Variants in SLCO5A1 observed in about 807,000 individuals in gnomAD.
SLCO5A1 encodes the protein solute carrier organic anion transporter family member 5A1, also known as organic anion transporter polypeptide-related protein 4.
Under a neutral mutation model 65.1 loss-of-function variants are expected in SLCO5A1, and 39 were observed. The observed-to-expected ratio is 0.60, with a 90% CI of 0.46 to 0.78. The LOEUF (loss-of-function observed/expected upper bound fraction) is 0.78. Ranked by LOEUF, SLCO5A1 falls within the 30% of genes least tolerant of loss-of-function variation. SLCO5A1 has a pLI of 0.00. For missense variants in SLCO5A1, 1,029 were observed against 1,069.4 expected, an observed-to-expected ratio of 0.96 and a Z score of 0.53; for synonymous variants, 438 against 415.7, an observed-to-expected ratio of 1.05 and a Z score of -0.65.
intron 2 of SLCO5A1, among the ~76,000 whole-genome samples, chr8:69,788,835 T>A (rs945972935): frequency 2.4e-4 from 37 of 152,232 alleles, no homozygotes; most frequent in African/African-American, 8.7e-4. Context: ...AGTCTTAGTA[T>A]AATCTAAAAT....
rs146599534 is a variant in SLCO5A1, at chr8:69,803,188, G to A, written c.907+28579C>T. Reference sequence around the variant, plus strand: ...CCCAGCACTTTGGGAGGCCAAGGCGGGTGGATCATCTGAGGTTGAGAGTTC... The same window carrying A: ...CCCAGCACTTTGGGAGGCCAAGGCGAGTGGATCATCTGAGGTTGAGAGTTC... On this transcript the variant is annotated intron_variant, in intron 2 of 9. Coordinates refer to ENST00000260126, the MANE Select transcript of SLCO5A1 (RefSeq NM_030958.3). 6.1e-3 allele frequency among the ~76,000 whole-genome samples: 923 copies of A among 152,248 alleles called. 8 individuals carry two copies. The highest frequency in any genetic ancestry group is 0.021 in the African/African-American group (885 of 41,548).
intron 2 of SLCO5A1, among the ~76,000 whole-genome samples, chr8:69,826,641 G>C (rs555068919): frequency 1.6e-3 from 247 of 152,304 alleles, no homozygotes; most frequent in Non-Finnish European, 2.7e-3. Flanking sequence ...ACAGGTGCTG[G>C]AGAGGATGTG....
intron 6 of SLCO5A1, among the ~76,000 whole-genome samples, chr8:69,700,657 AC>A (rs1426514384): frequency 6.6e-6 from 1 of 152,094 alleles, no homozygotes; most frequent in Admixed American, 6.5e-5. Flanking sequence ...AAGGAAAAAT[AC>A]ATCTCATACA....
intron 2 of SLCO5A1, among the ~76,000 whole-genome samples, chr8:69,784,811 AAAAGAAAGAAAGAAAGAAAGAAAG>A (rs56110450): frequency 5.6e-4 from 40 of 70,950 alleles, no homozygotes; most frequent in Admixed American, 4.3e-3. Context: ...GAAAGAAAGA[AAAAGAAAGAAAGAAAGAAAGAAAG>A]AAAGAAAGAA....
chr8:69,783,613 G>T (rs1818896292), intron 2 of SLCO5A1, among the ~76,000 whole-genome samples: 1 of 151,798 alleles, frequency 6.6e-6, no homozygotes, highest in Admixed American at 6.6e-5. Flanking sequence ...TTGTACCAAA[G>T]TCTTTGAAAA....
At chr8:69,795,887 G>A (rs1333972445) in intron 2 of SLCO5A1, among the ~76,000 whole-genome samples, 1 of 152,250 alleles carries the variant, frequency 6.6e-6, no homozygotes, top group Admixed American at 6.5e-5. Flanking sequence ...CAGCTCTTGT[G>A]CTCTGTGCAC....
chr8:69,731,611 A>G (rs1297515687), intron 5 of SLCO5A1, among the ~76,000 whole-genome samples: 1 of 152,232 alleles, frequency 6.6e-6, no homozygotes, highest in Non-Finnish European at 1.5e-5. Flanking sequence ...GAGCTCTTAC[A>G]AAAGTTCTCA....
At chr8:69,748,092 C>CTT (rs2130852296) in intron 4 of SLCO5A1, among the ~76,000 whole-genome samples, 1 of 152,248 alleles carries the variant, frequency 6.6e-6, no homozygotes, top group Admixed American at 6.5e-5. Context: ...CCCTCCAAAA[C>CTT]ACACCAGCAA....
intron 4 of SLCO5A1, among the ~76,000 whole-genome samples, chr8:69,752,419 A>AT (rs2130856293): frequency 9.1e-6 from 1 of 109,708 alleles, no homozygotes; most frequent in South Asian, 3.7e-4. Flanking sequence ...AACCTCAATA[A>AT]TAAATCTCAG....
intron 2 of SLCO5A1, among the ~76,000 whole-genome samples, chr8:69,777,260 T>C (rs1818599137): frequency 6.6e-6 from 1 of 152,104 alleles, no homozygotes; most frequent in Non-Finnish European, 1.5e-5. Context: ...TGTGGAGAAA[T>C]CTCATAATAA....
intron 6 of SLCO5A1, among the ~76,000 whole-genome samples, 158 bp from the exon 7 acceptor site, chr8:69,682,501 T>C (rs1813827607): frequency 6.6e-6 from 1 of 150,486 alleles, no homozygotes; most frequent in African/African-American, 2.5e-5. Flanking sequence ...AATTATTTTG[T>C]GACTTTAAAA....
rs191868380 is a variant in SLCO5A1 at position 69,678,910 on chromosome 8, G to T, written c.2024+468C>A. Among the ~76,000 whole-genome samples, 74 of 152,148 alleles carry T rather than the reference G, an allele frequency of 4.9e-4. 1 individual carries two copies. In the East Asian group the frequency reaches 0.011, roughly 22 times the overall value. Reference sequence around the variant, plus strand: ...ATGAACTCAGCATTTCAAATTGCAGGCCCAGCATAAATCACCACTGATCCT... The same window carrying T: ...ATGAACTCAGCATTTCAAATTGCAGTCCCAGCATAAATCACCACTGATCCT... On this transcript the variant is annotated intron_variant, in intron 8 of 9. Transcript: ENST00000260126.
intron 2 of SLCO5A1, among the ~76,000 whole-genome samples, chr8:69,802,173 G>A (rs879623807): frequency 2.6e-5 from 4 of 152,118 alleles, no homozygotes; most frequent in Admixed American, 2.6e-4. Context: ...GGATCAGCAC[G>A]ATAAAAGGGC....
rs148947823 is a variant in SLCO5A1 at position 69,765,330 on chromosome 8, G to T, written c.908-3455C>A. On this transcript the variant is annotated intron_variant, in intron 2 of 9. Coordinates refer to ENST00000260126, the MANE Select transcript of SLCO5A1 (RefSeq NM_030958.3). ...ATATGTATACATGTACATATATGAC[G>T]GTATATTACAGTTATATAAGAATGT... Among the ~76,000 whole-genome samples, 1,217 of 150,474 alleles carry T rather than the reference G, an allele frequency of 8.1e-3. 12 individuals carry two copies. The highest frequency in any genetic ancestry group is 0.028 in the African/African-American group (1,162 of 40,796).
chr8:69,699,972 G>A (rs557312652), intron 6 of SLCO5A1, among the ~76,000 whole-genome samples: 41 of 152,260 alleles, frequency 2.7e-4, no homozygotes, highest in Non-Finnish European at 4.6e-4. Flanking sequence ...TTATCCCAGT[G>A]TAGTGGTGGA....
At chr8:69,755,060 C>T (rs192177187) in intron 4 of SLCO5A1, among the ~76,000 whole-genome samples, 49 of 152,206 alleles carry the variant, frequency 3.2e-4, no homozygotes, top group Middle Eastern at 3.4e-3. Flanking sequence ...CATATATAGA[C>T]ATCTGTTTCT....
intron 2 of SLCO5A1, among the ~76,000 whole-genome samples, chr8:69,796,844 G>A (rs959628400): frequency 4.6e-5 from 7 of 151,920 alleles, no homozygotes; most frequent in South Asian, 2.1e-4. Context: ...CAAGTTCAAA[G>A]TTCCACAGAT....
chr8:69,741,388 G>A (rs1050011884), intron 4 of SLCO5A1, among the ~76,000 whole-genome samples: 2 of 152,182 alleles, frequency 1.3e-5, no homozygotes, highest in African/African-American at 4.8e-5. Context: ...ACTGGTTGAC[G>A]ATTATGTTGT....
chr8:69,761,762 G>T lies in SLCO5A1; in HGVS notation c.1021C>A (p.Pro341Thr), dbSNP rs1279568737. ...ACTTACCAGTTTCCAATGAAACGAGGGTCATTCTGGTCAAGGTGAACAGGA... is the reference window on the plus strand; with the variant it reads ...ACTTACCAGTTTCCAATGAAACGAGTGTCATTCTGGTCAAGGTGAACAGGA... ...RNPVHLDQND[P>T]RFIGNWWSGF... The change falls in exon 3 of 10, where the codon CCT (proline) becomes ACT (threonine). Residue 341 changes from proline (P) to threonine (T), a missense_variant. Coordinates refer to ENST00000260126, the MANE Select transcript of SLCO5A1 (RefSeq NM_030958.3). 6.2e-7 allele frequency: 1 copy of T among 1,613,568 alleles called. No homozygotes were observed. The highest frequency in any genetic ancestry group is 8.5e-7 in the Non-Finnish European group (1 of 1,179,852).
Sources: gnomAD v4.1 joint callset for allele counts (sites outside exome capture counted in the v4.1 genomes callset) on GRCh38, gnomAD v4.1.1 for gene constraint, MANE v1.5 for transcripts, NCBI Gene and HGNC (gene_info 2026-07-23, HGNC 2026-07-21) for gene names.